Variants in AGPAT5 observed in about 807,000 individuals in gnomAD.
The protein encoded by AGPAT5 is 1-acyl-sn-glycerol-3-phosphate acyltransferase epsilon.
Under a neutral mutation model 45.6 loss-of-function variants are expected in AGPAT5, and 46 were observed. The ratio of observed to expected loss-of-function variants is 1.01; its 90% CI spans 0.80 to 1.29. The LOEUF (loss-of-function observed/expected upper bound fraction) is 1.29. AGPAT5 is among the 50% of genes most tolerant of loss of function. The pLI is 0.00. For synonymous variants in AGPAT5, 272 were observed against 167.0 expected (o/e 1.63, Z -4.85); for missense variants, 673 against 450.7 (o/e 1.49, Z -4.47).
intron 1 of AGPAT5, among the ~76,000 whole-genome samples, chr8:6,721,739 G>C (rs1241080176): frequency 1.3e-5 from 2 of 152,224 alleles, no homozygotes; most frequent in African/African-American, 4.8e-5. Context: ...CTTTACCCTT[G>C]TAGGGTAGCT....
Position 6,708,706 on chromosome 8 carries a change from G to A in AGPAT5, c.38G>A (p.Arg13His). Reference sequence around the variant, plus strand: ...CTGGTGCTCCACACGTACTCCATGCGCTACCTGCTGCCCAGCGTCGTGCTC... The same window carrying A: ...CTGGTGCTCCACACGTACTCCATGCACTACCTGCTGCCCAGCGTCGTGCTC... The part of the protein sequence containing the change: ...LSLVLHTYSM[R>H]YLLPSVVLLG... Residue 13 changes from arginine (R) to histidine (H), a missense_variant, in exon 1 of 8, where the codon CGC becomes CAC. Arg to His is a conservative substitution (Grantham distance 29). Transcript: ENST00000285518. The A allele has an allele frequency of 6.2e-7, 1 of 1,605,084 alleles. No homozygotes were observed. Among genetic ancestry groups the A allele is most frequent in the Non-Finnish European group, 8.5e-7 (1 of 1,179,490 alleles).
intron 4 of AGPAT5, among the ~76,000 whole-genome samples, chr8:6,736,365 G>A (rs977469748): frequency 6.6e-6 from 1 of 152,046 alleles, no homozygotes; most frequent in Admixed American, 6.5e-5. Flanking sequence ...TTAAATTATT[G>A]TTTTTCATTA....
intron 1 of AGPAT5, among the ~76,000 whole-genome samples, chr8:6,723,367 T>G (rs1800571581): frequency 6.6e-6 from 1 of 152,170 alleles, no homozygotes; most frequent in Non-Finnish European, 1.5e-5. Context: ...TTTATAATTA[T>G]GTAGAGACAG....
At chr8:6,712,686 C>T (rs940344643) in intron 1 of AGPAT5, among the ~76,000 whole-genome samples, 2 of 152,196 alleles carry the variant, frequency 1.3e-5, no homozygotes, top group East Asian at 1.9e-4. Context: ...ATTCTATCAT[C>T]GTGAGTTAAC....
chr8:6,709,776 A>C (rs1482142151), intron 1 of AGPAT5, among the ~76,000 whole-genome samples: 2 of 151,024 alleles, frequency 1.3e-5, no homozygotes, highest in Non-Finnish European at 2.9e-5. Context: ...CAGGTACTAT[A>C]TTTAGTTTGC....
At chr8:6,728,845 G>T (rs372132557) in intron 2 of AGPAT5, among the ~76,000 whole-genome samples, 95 of 152,296 alleles carry the variant, frequency 6.2e-4, no homozygotes, top group African/African-American at 2.3e-3. Context: ...ATGTTTATCA[G>T]TTATTATTTC....
chr8:6,709,878 T>G (rs1048360316), intron 1 of AGPAT5, among the ~76,000 whole-genome samples: 1 of 152,164 alleles, frequency 6.6e-6, no homozygotes, highest in African/African-American at 2.4e-5. Context: ...TTTAAACCAG[T>G]GTCTGTAAGT....
intron 6 of AGPAT5, among the ~76,000 whole-genome samples, chr8:6,750,174 G>T (rs997538481): frequency 6.6e-6 from 1 of 152,228 alleles, no homozygotes; most frequent in Non-Finnish European, 1.5e-5. Context: ...TGCTCTTGCA[G>T]TACTGCTGTG....
chr8:6,710,453 C>T (rs1271772270), intron 1 of AGPAT5, among the ~76,000 whole-genome samples: 1 of 152,150 alleles, frequency 6.6e-6, no homozygotes, highest in African/African-American at 2.4e-5. Context: ...AAGTATAATT[C>T]AAAATTTTGT....
Position 6,709,753 on chromosome 8 carries a change from C to T in AGPAT5, c.219+866C>T, listed in dbSNP as rs538795686. On this transcript the variant is annotated intron_variant, in intron 1 of 7. Coordinates refer to ENST00000285518, the MANE Select transcript of AGPAT5 (RefSeq NM_018361.5). The stretch of plus-strand genomic sequence containing the variant: ...TTTCCACCTACAGCAGCTGTTTTTA[C>T]CCTGTGGTCAGTCAGGTACTATATT... Among the ~76,000 whole-genome samples the T allele has an allele frequency of 2.3e-3, 353 of 151,950 alleles. 3 individuals carry two copies. Among genetic ancestry groups the T allele is most frequent in the African/African-American group, 8.0e-3 (333 of 41,452 alleles).
At chr8:6,737,177 C>A (rs1366423264) in intron 4 of AGPAT5, among the ~76,000 whole-genome samples, 1 of 152,166 alleles carries the variant, frequency 6.6e-6, no homozygotes, top group Non-Finnish European at 1.5e-5. Flanking sequence ...TTCAAGAGGC[C>A]GTGCTGAGCA....
rs779967702 is a variant in AGPAT5, at chr8:6,757,128, G to C, written c.870-35G>C. 24 of 1,535,934 alleles carry C rather than the reference G, an allele frequency of 1.6e-5. No homozygotes were observed. The Admixed American group carries it at 4.0e-4, about 26-fold the overall frequency. On this transcript the variant is annotated intron_variant, in intron 7 of 7. Coordinates refer to ENST00000285518, the MANE Select transcript of AGPAT5 (RefSeq NM_018361.5). ...ATTTTTTGAATTGAAATACTGAAGT[G>C]ACTAAAATCTAAACTTTTTCCATTC...
chr8:6,709,972 T>G (rs540343451), intron 1 of AGPAT5, among the ~76,000 whole-genome samples: 20 of 152,298 alleles, frequency 1.3e-4, no homozygotes, highest in African/African-American at 4.8e-4. Flanking sequence ...ATTTAAAAAT[T>G]TCAATAATTC....
intron 1 of AGPAT5, among the ~76,000 whole-genome samples, chr8:6,715,239 A>G (rs1195637311): frequency 6.6e-6 from 1 of 152,226 alleles, no homozygotes; most frequent in East Asian, 1.9e-4. Flanking sequence ...GGTGAGAGGT[A>G]GGGGTTTGGA....
chr8:6,724,944 G>C lies in AGPAT5; in HGVS notation c.289+5G>C, dbSNP rs1272143933. ...TAGCAAATCATCAAAGCACAGGTTTGTATTTCATTTGCATGAAACATAGGT... is the reference window on the plus strand; with the variant it reads ...TAGCAAATCATCAAAGCACAGGTTTCTATTTCATTTGCATGAAACATAGGT... On this transcript the variant is annotated splice_donor_5th_base_variant and intron_variant, in intron 2 of 7. Transcript: ENST00000285518. The C allele has an allele frequency of 1.1e-5, 13 of 1,135,952 alleles. No homozygotes were observed. Among genetic ancestry groups the C allele is most frequent in the Non-Finnish European group, 1.5e-5 (13 of 864,418 alleles). 70.4% of individuals were successfully genotyped at this position (1,135,952 alleles called of 1,614,324 possible).
At chr8:6,731,067 G>C (rs534702165) in intron 3 of AGPAT5, among the ~76,000 whole-genome samples, 8 of 151,722 alleles carry the variant, frequency 5.3e-5, no homozygotes, top group Admixed American at 1.3e-4. Flanking sequence ...TGGGGGTCTC[G>C]CTGTGTTGCC....
intron 1 of AGPAT5, among the ~76,000 whole-genome samples, chr8:6,711,617 CAG>C (rs890652949): frequency 1.3e-5 from 2 of 152,224 alleles, no homozygotes; most frequent in African/African-American, 4.8e-5. Context: ...GCTGCCAAAA[CAG>C]ATCACCTCAA....
chr8:6,737,357 C>T (rs766190829), intron 4 of AGPAT5, among the ~76,000 whole-genome samples: 2 of 152,186 alleles, frequency 1.3e-5, no homozygotes, highest in Non-Finnish European at 2.9e-5. Flanking sequence ...TATGTTAAGT[C>T]AACTTTCGTG....
At chr8:6,710,297 A>G (rs1319273795) in intron 1 of AGPAT5, among the ~76,000 whole-genome samples, 1 of 152,226 alleles carries the variant, frequency 6.6e-6, no homozygotes, top group Admixed American at 6.5e-5. Flanking sequence ...CCTGATGTTC[A>G]GAGATCCGAT....
Sources: gnomAD v4.1 joint callset for allele counts (sites outside exome capture counted in the v4.1 genomes callset) on GRCh38, gnomAD v4.1.1 for gene constraint, MANE v1.5 for transcripts, NCBI Gene and HGNC (gene_info 2026-07-23, HGNC 2026-07-21) for gene names.